Variants in FSHR observed in about 807,000 individuals in gnomAD.
FSHR encodes the protein follicle-stimulating hormone receptor.
In FSHR, 46 loss-of-function variants were observed where a neutral mutation model predicts 52.1. That is an observed-to-expected ratio of 0.88 (90% CI 0.70 to 1.13). The LOEUF (loss-of-function observed/expected upper bound fraction) is 1.13, where lower values mean the gene tolerates loss of function less well. Ranked by LOEUF, FSHR falls within the 50% of genes most tolerant of loss-of-function variation. The pLI, the probability that FSHR is intolerant of heterozygous loss-of-function variation, is 0.00. For missense variants in FSHR, 964 were observed against 834.6 expected (o/e 1.16, Z -1.91); for synonymous variants, 399 against 309.6 (o/e 1.29, Z -3.03).
chr2:49,084,254 A>G (rs1016115039), intron 1 of FSHR, among the ~76,000 whole-genome samples: 1 of 152,190 alleles, frequency 6.6e-6, no homozygotes, highest in African/African-American at 2.4e-5. Flanking sequence ...TACTGGGTAC[A>G]TAACGAAATG....
intron 1 of FSHR, among the ~76,000 whole-genome samples, chr2:49,069,532 C>A (rs1669650295): frequency 6.6e-6 from 1 of 152,094 alleles, no homozygotes; most frequent in Non-Finnish European, 1.5e-5. Flanking sequence ...TTGTTTGTTT[C>A]TTCCTCCTAA....
chr2:48,971,551 T>A (rs1192260304), intron 8 of FSHR, among the ~76,000 whole-genome samples: 1 of 152,208 alleles, frequency 6.6e-6, no homozygotes, highest in Non-Finnish European at 1.5e-5. Flanking sequence ...TCAGAACAAT[T>A]ACCTTTGTTA....
chr2:49,066,907 G>A (rs1293039066), intron 2 of FSHR, among the ~76,000 whole-genome samples: 1 of 152,158 alleles, frequency 6.6e-6, no homozygotes, highest in African/African-American at 2.4e-5. Context: ...AGGGAATCGC[G>A]AATACATCTT....
At chr2:48,985,938 T>C (rs575565184) in intron 6 of FSHR, among the ~76,000 whole-genome samples, 22 of 151,764 alleles carry the variant, frequency 1.4e-4, no homozygotes, top group African/African-American at 4.1e-4. Context: ...TGGTCTCGAT[T>C]TCCTGACCTC....
intron 2 of FSHR, among the ~76,000 whole-genome samples, chr2:49,045,642 G>A (rs1668629336): frequency 6.6e-6 from 1 of 152,088 alleles, no homozygotes. Flanking sequence ...GGACAGCTTG[G>A]GTCAATTTTT....
intron 4 of FSHR, among the ~76,000 whole-genome samples, chr2:49,013,489 T>TATAA (rs1282481392): frequency 3.0e-3 from 217 of 73,034 alleles, no homozygotes; most frequent in African/African-American, 7.3e-3. Context: ...TAAATAAATA[T>TATAA]ATATATATAT....
intron 2 of FSHR, among the ~76,000 whole-genome samples, chr2:49,025,200 C>T (rs377691134): frequency 4.6e-5 from 7 of 152,114 alleles, no homozygotes; most frequent in Non-Finnish European, 7.3e-5. Flanking sequence ...AATCTTTAAG[C>T]GAGTGGAGAA....
chr2:49,129,310 G>C (rs1367489873), intron 1 of FSHR, among the ~76,000 whole-genome samples: 1 of 152,086 alleles, frequency 6.6e-6, no homozygotes, highest in Non-Finnish European at 1.5e-5. Context: ...AGGCCAGATA[G>C]CCTGATTTCT....
At chr2:49,084,876 C>G (rs995971198) in intron 1 of FSHR, among the ~76,000 whole-genome samples, 1 of 151,996 alleles carries the variant, frequency 6.6e-6, no homozygotes, top group Non-Finnish European at 1.5e-5. Flanking sequence ...CAAAAAGAGT[C>G]CAGGACCAGA....
rs890466202 is a variant in FSHR, at chr2:49,111,911, A to G, written c.152+42355T>C. On this transcript the variant is annotated intron_variant, in intron 1 of 9. Transcript: ENST00000406846. ...GATTCCATGTGGATCATCCCATGGG[A>G]TTCTCACAAAATCTTGGTGAAGGAA... Among the ~76,000 whole-genome samples the G allele has an allele frequency of 2.0e-5, 3 of 152,194 alleles. No individual in the cohort carries two copies. The East Asian group carries it at 5.8e-4, about 29-fold the overall frequency.
intron 3 of FSHR, 53 bp from the exon 4 acceptor site, chr2:49,017,616 G>T: frequency 7.5e-7 from 1 of 1,328,456 alleles, no homozygotes; most frequent in East Asian, 2.3e-5. Context: ...GAATGCTGTA[G>T]TATTTTTCAC....
intron 2 of FSHR, among the ~76,000 whole-genome samples, chr2:49,065,136 T>A (rs942427019): frequency 2.0e-5 from 3 of 152,162 alleles, no homozygotes; most frequent in African/African-American, 7.2e-5. Context: ...TTATTCCACC[T>A]GGTGAGAGTG....
intron 1 of FSHR, among the ~76,000 whole-genome samples, chr2:49,121,757 G>A (rs1054426569): frequency 6.6e-6 from 1 of 151,954 alleles, no homozygotes; most frequent in African/African-American, 2.4e-5. Context: ...GGTTGCCACC[G>A]CATCAAAGTC....
At chr2:49,006,416 A>G (rs1391374412) in intron 4 of FSHR, among the ~76,000 whole-genome samples, 1 of 151,964 alleles carries the variant, frequency 6.6e-6, no homozygotes, top group African/African-American at 2.4e-5. Flanking sequence ...ACCCAACCCT[A>G]TCCATCCAAA....
intron 6 of FSHR, among the ~76,000 whole-genome samples, chr2:48,986,336 A>AT (rs1216920457): frequency 6.8e-6 from 1 of 147,584 alleles, no homozygotes. Flanking sequence ...TATTCCCAGA[A>AT]TTTTGAAAAT....
chr2:48,963,865 T>G lies in FSHR; in HGVS notation c.956A>C (p.Glu319Ala). The part of the protein sequence containing the change: ...GQRSSLAEDN[E>A]SSYSRGFDMT... Reference sequence around the variant, plus strand: ...GTCAAATCCTCTGCTGTAGCTGGACTCATTGTCTTCTGCCAGAGAGGATCT... The same window carrying G: ...GTCAAATCCTCTGCTGTAGCTGGACGCATTGTCTTCTGCCAGAGAGGATCT... The change falls in exon 10 of 10, where the codon GAG (glutamate) becomes GCG (alanine). Residue 319 changes from glutamate (E) to alanine (A), a missense_variant. By Grantham distance (107) the Glu-to-Ala change is moderately radical. Coordinates refer to ENST00000406846, the MANE Select transcript of FSHR (RefSeq NM_000145.4). 6.2e-7 allele frequency: 1 copy of G among 1,614,182 alleles called. No homozygotes were observed. The highest frequency in any genetic ancestry group is 8.5e-7 in the Non-Finnish European group (1 of 1,180,016).
intron 4 of FSHR, among the ~76,000 whole-genome samples, chr2:49,015,564 G>A (rs1177485715): frequency 2.0e-5 from 3 of 152,160 alleles, no homozygotes; most frequent in Non-Finnish European, 4.4e-5. Flanking sequence ...GAATGATGGA[G>A]TCAGGATGAA....
At chr2:49,002,651 G>A (rs111983504) in intron 4 of FSHR, among the ~76,000 whole-genome samples, 4 of 152,156 alleles carry the variant, frequency 2.6e-5, no homozygotes, top group African/African-American at 9.6e-5. Context: ...CATGGGGGTA[G>A]CAGCCCCCAT....
rs574791603 is a variant in FSHR, at chr2:49,102,753, G to C, written c.153-34463C>G. Among the ~76,000 whole-genome samples, 478 of 152,218 alleles carry C rather than the reference G, an allele frequency of 3.1e-3. 3 individuals carry two copies. Among genetic ancestry groups the C allele is most frequent in the African/African-American group, 0.011 (453 of 41,542 alleles). On this transcript the variant is annotated intron_variant, in intron 1 of 9. Coordinates refer to ENST00000406846, the MANE Select transcript of FSHR (RefSeq NM_000145.4). ...ATAGTACATAATCTATTATTGAGTT[G>C]TATCCGAAATAATAAAATATTATAG... is the stretch of plus-strand genomic sequence containing the variant.
Sources: allele counts gnomAD v4.1 joint callset (sites outside exome capture counted in the v4.1 genomes callset), GRCh38; gene constraint gnomAD v4.1.1; transcripts MANE v1.5; gene names NCBI Gene and HGNC (gene_info 2026-07-23, HGNC 2026-07-21).